Variants in PCDHGB1 observed in about 807,000 individuals in gnomAD.
PCDHGB1 encodes protocadherin gamma subfamily B, 1, also known as protocadherin gamma-B1.
A neutral mutation model predicts 56.6 loss-of-function variants in PCDHGB1; 34 were observed. The ratio of observed to expected loss-of-function variants is 0.60; its 90% CI spans 0.46 to 0.80. The LOEUF (loss-of-function observed/expected upper bound fraction) is 0.80. Ranked by LOEUF, PCDHGB1 falls within the 30% of genes least tolerant of loss-of-function variation. PCDHGB1 has a pLI of 0.00. For missense variants in PCDHGB1, 1,278 were observed against 1,204.6 expected (o/e 1.06, Z -0.90); for synonymous variants, 561 against 505.9 (o/e 1.11, Z -1.46).
At chr5:141,384,550 T>C (rs1262991038) in intron 1 of PCDHGB1, 1 of 1,614,220 alleles carries the variant, frequency 6.2e-7, no homozygotes, top group Non-Finnish European at 8.5e-7. Context: ...ACTGAGCCTG[T>C]TCGTGCTGGA....
chr5:141,377,672 C>G (rs529772336), intron 1 of PCDHGB1: 1 of 151,784 alleles, frequency 6.6e-6, no homozygotes, highest in East Asian at 1.9e-4. Context: ...GACGTTCATA[C>G]AAGAGATCTT....
intron 1 of PCDHGB1, chr5:141,384,288 G>C: frequency 6.2e-7 from 1 of 1,613,784 alleles, no homozygotes; most frequent in South Asian, 1.1e-5. Flanking sequence ...ACATCGCTGA[G>C]AACAACCCCA....
intron 1 of PCDHGB1, among the ~76,000 whole-genome samples, chr5:141,401,154 C>A (rs753624238): frequency 6.6e-5 from 10 of 152,086 alleles, no homozygotes; most frequent in Non-Finnish European, 1.5e-4. Context: ...CCAGCCTGGG[C>A]AATATGGTGA....
At chr5:141,408,780 A>G (rs1304526612) in intron 1 of PCDHGB1, 1 of 1,612,372 alleles carries the variant, frequency 6.2e-7, no homozygotes, top group Non-Finnish European at 8.5e-7. Flanking sequence ...AAATACCCAG[A>G]GTTATCTCTG....
chr5:141,478,376 C>T, intron 1 of PCDHGB1: 4 of 1,613,672 alleles, frequency 2.5e-6, no homozygotes, highest in Non-Finnish European at 3.4e-6. Flanking sequence ...CCTGATGTCG[C>T]CGCACCTTTA....
chr5:141,379,889 CTTTTTTTTTTTTTTTTT>C (rs70988800), intron 1 of PCDHGB1, among the ~76,000 whole-genome samples: 16 of 50,830 alleles, frequency 3.1e-4, no homozygotes, highest in East Asian at 2.5e-3. Flanking sequence ...GTGAAAGCCT[CTTTTTTTTTTTTTTTTT>C]TTTTTTTTTT....
At chr5:141,458,630 C>T (rs575289408) in intron 1 of PCDHGB1, among the ~76,000 whole-genome samples, 1 of 151,864 alleles carries the variant, frequency 6.6e-6, no homozygotes, top group Admixed American at 6.6e-5. Flanking sequence ...AGTGCAGTGG[C>T]ACAATCCCAG....
intron 1 of PCDHGB1, chr5:141,388,504 C>T: frequency 1.2e-6 from 2 of 1,613,808 alleles, no homozygotes; most frequent in Non-Finnish European, 1.7e-6. Context: ...AAGCAGAAAT[C>T]CTACCACTTG....
rs149553852 is a variant in PCDHGB1 at position 141,415,009 on chromosome 5, C to G, written c.2409+62340C>G. 3.1e-6 allele frequency: 5 copies of G among 1,613,544 alleles called. No homozygotes were observed. The East Asian group carries it at 1.1e-4, about 36-fold the overall frequency. On this transcript the variant is annotated intron_variant, in intron 1 of 3. Transcript: ENST00000523390. The stretch of plus-strand genomic sequence containing the variant: ...CCAGAACGCCTGGCTGTCCTACCGT[C>G]TGCTCAAGGCCAGCGAGCCGGGACT...
At chr5:141,380,024 C>T (rs1326280237) in intron 1 of PCDHGB1, among the ~76,000 whole-genome samples, 1 of 150,698 alleles carries the variant, frequency 6.6e-6, no homozygotes, top group Non-Finnish European at 1.5e-5. Flanking sequence ...CTCAGCCTCC[C>T]AAGTAGCTGG....
Position 141,351,576 on chromosome 5 carries a change from C to G in PCDHGB1, c.1316C>G (p.Ser439Cys). 1 of 1,614,056 alleles carries G rather than the reference C, an allele frequency of 6.2e-7. No individual in the cohort carries two copies. The highest frequency in any genetic ancestry group is 8.5e-7 in the Non-Finnish European group (1 of 1,179,902). The part of the protein sequence containing the change: ...SSRTSITLHI[S>C]DINDNAPVFH... ...AGGACAAGCATCACCCTGCACATCT[C>G]CGACATCAACGACAATGCACCTGTT... The change falls in exon 1 of 4, where the codon TCC becomes TGC. Residue 439 changes from serine (S) to cysteine (C), a missense_variant. Ser to Cys is a moderately radical substitution (Grantham distance 112). Transcript: ENST00000523390.
chr5:141,404,165 T>C, intron 1 of PCDHGB1: 1 of 1,613,246 alleles, frequency 6.2e-7, no homozygotes, highest in South Asian at 1.1e-5. Flanking sequence ...TTACAGATTG[T>C]TGACGGCCCA....
chr5:141,376,676 G>GTGTTTTTTT (rs1773033495), intron 1 of PCDHGB1: 1 of 275,812 alleles, frequency 3.6e-6, no homozygotes, highest in African/African-American at 3.7e-5. Flanking sequence ...TGAGGGTATC[G>GTGTTTTTTT]TTTTTTTTTT....
chr5:141,483,442 AATCATCAGGACTTGTTG>A (rs2099581330), intron 1 of PCDHGB1, among the ~76,000 whole-genome samples: 1 of 152,196 alleles, frequency 6.6e-6, no homozygotes, highest in Non-Finnish European at 1.5e-5. Context: ...ACTACAATAA[AATCATCAGGACTTGTTG>A]ATTGACATGA....
chr5:141,365,466 A>T (rs1456535652), intron 1 of PCDHGB1: 2 of 1,614,016 alleles, frequency 1.2e-6, no homozygotes, highest in Non-Finnish European at 1.7e-6. Context: ...TCTGGAGAAA[A>T]TGGTGAGATT....
intron 1 of PCDHGB1, among the ~76,000 whole-genome samples, chr5:141,470,011 C>T (rs2099218489): frequency 6.6e-6 from 1 of 152,144 alleles, no homozygotes; most frequent in Non-Finnish European, 1.5e-5. Context: ...CGCCTGTAAT[C>T]CCAGCTACTC....
At chr5:141,509,887 T>C (rs138950510) in intron 3 of PCDHGB1, among the ~76,000 whole-genome samples, 1 of 152,314 alleles carries the variant, frequency 6.6e-6, no homozygotes, top group East Asian at 1.9e-4. Flanking sequence ...TGATGGTGAC[T>C]GACTGTCCCT....
Position 141,511,344 on chromosome 5 carries a change from T to G in PCDHGB1, c.*171T>G, listed in dbSNP as rs2099883730. 3 of 1,419,052 alleles carry G rather than the reference T, an allele frequency of 2.1e-6. No homozygotes were observed. Among genetic ancestry groups the G allele is most frequent in the Non-Finnish European group, 2.8e-6 (3 of 1,067,404 alleles). 87.9% of individuals were successfully genotyped at this position (1,419,052 alleles called of 1,614,324 possible). On this transcript the variant is annotated 3_prime_UTR_variant, in exon 4 of 4. Coordinates refer to ENST00000523390, the MANE Select transcript of PCDHGB1 (RefSeq NM_018922.3). The stretch of plus-strand genomic sequence containing the variant: ...CAAGTGCCCAGTCAGCACCTACCCC[T>G]TCCCCCCCAGGGGGTTGAATATGCA...
intron 1 of PCDHGB1, chr5:141,389,176 C>G (rs775758481): frequency 6.2e-7 from 1 of 1,614,064 alleles, no homozygotes; most frequent in South Asian, 1.1e-5. Flanking sequence ...CCTCCCCTCT[C>G]CTCCAGTTCC....
Sources: gnomAD v4.1 joint callset for allele counts (sites outside exome capture counted in the v4.1 genomes callset) on GRCh38, gnomAD v4.1.1 for gene constraint, MANE v1.5 for transcripts, NCBI Gene and HGNC (gene_info 2026-07-23, HGNC 2026-07-21) for gene names.